Variants in C8A observed in about 807,000 individuals in gnomAD.
C8A encodes complement C8 alpha chain.
C8A carries 67 observed loss-of-function variants against 65.3 expected under a neutral mutation model. That is an observed-to-expected ratio of 1.03 (90% CI 0.84 to 1.26). The LOEUF (loss-of-function observed/expected upper bound fraction) is 1.26, where lower values mean the gene tolerates loss of function less well. Ranked by LOEUF, C8A falls within the 50% of genes most tolerant of loss-of-function variation. The probability of loss-of-function intolerance (pLI) is 0.00; values close to 1 mark genes in which losing one functional copy is unlikely to be tolerated. For missense variants in C8A, 781 were observed against 723.9 expected (o/e 1.08, Z -0.90); for synonymous variants, 290 against 259.4 (o/e 1.12, Z -1.13).
At chr1:56,916,669 G>A (rs1448219245) in intron 10 of C8A, among the ~76,000 whole-genome samples, 2 of 152,172 alleles carry the variant, frequency 1.3e-5, no homozygotes, top group Admixed American at 6.5e-5. Context: ...ACTTTCATCT[G>A]ACTTAGAGGT....
intron 7 of C8A, among the ~76,000 whole-genome samples, chr1:56,899,670 C>G (rs1348657416): frequency 6.6e-6 from 1 of 152,288 alleles, no homozygotes; most frequent in East Asian, 1.9e-4. Flanking sequence ...CAGCCTCCCT[C>G]TTTTTCTAAC....
intron 7 of C8A, among the ~76,000 whole-genome samples, chr1:56,898,721 A>G (rs1644403605): frequency 6.6e-6 from 1 of 152,096 alleles, no homozygotes; most frequent in Non-Finnish European, 1.5e-5. Context: ...TTAATGTTGC[A>G]TCCCAGAGTC....
chr1:56,898,719 G>C (rs1379958386), intron 7 of C8A, among the ~76,000 whole-genome samples: 1 of 152,058 alleles, frequency 6.6e-6, no homozygotes, highest in Admixed American at 6.6e-5. Flanking sequence ...TGTTAATGTT[G>C]CATCCCAGAG....
At chr1:56,876,468 T>C (rs913290323) in intron 4 of C8A, among the ~76,000 whole-genome samples, 1 of 151,810 alleles carries the variant, frequency 6.6e-6, no homozygotes, top group Non-Finnish European at 1.5e-5. Flanking sequence ...TTCACCCCAG[T>C]GCCATTTCTA....
At position 56,917,686 on chromosome 1, in the gene C8A, AG is replaced by A. The variant is rs1644564612; in HGVS notation, c.1728del (p.Arg577GlyfsTer36). 1 of 1,614,100 alleles carries A rather than the reference AG, an allele frequency of 6.2e-7. No individual in the cohort carries two copies. Among genetic ancestry groups the A allele is most frequent in the South Asian group, 1.1e-5 (1 of 91,086 alleles). ...APQNGGASCP[G>X]RKVQTQAC is the part of the protein sequence containing the mutation. ...CTCAGAATGGAGGGGCCTCGTGTCC[AG>A]GGCGGAAAGTACAGACGCAGGCTTG... is the stretch of plus-strand genomic sequence containing the variant. On this transcript the variant is annotated frameshift_variant, in exon 11 of 11. Coordinates refer to ENST00000361249, the MANE Select transcript of C8A (RefSeq NM_000562.3). LOFTEE classifies it high-confidence loss of function.
rs115878955 is a variant in C8A, at chr1:56,876,505, C to T, written c.464+296C>T. 8.8e-3 allele frequency among the ~76,000 whole-genome samples: 1,339 copies of T among 152,034 alleles called. 11 individuals are homozygous for T. Among genetic ancestry groups the T allele is most frequent in the Non-Finnish European group, 0.014 (966 of 67,980 alleles). ...GGCCCATTTAAGAAGCCACAGCTTCCATGAAGCCTTCCTGATGTCTCAGAA... is the reference window on the plus strand; with the variant it reads ...GGCCCATTTAAGAAGCCACAGCTTCTATGAAGCCTTCCTGATGTCTCAGAA... On this transcript the variant is annotated intron_variant, in intron 4 of 10. Coordinates refer to ENST00000361249, the MANE Select transcript of C8A (RefSeq NM_000562.3).
intron 2 of C8A, among the ~76,000 whole-genome samples, chr1:56,868,445 C>T (rs544721121): frequency 1.3e-5 from 2 of 151,696 alleles, no homozygotes; most frequent in South Asian, 4.2e-4. Flanking sequence ...TTAGTCTCTA[C>T]AAAAAATACA....
chr1:56,893,280 A>G (rs1368381662), intron 7 of C8A, among the ~76,000 whole-genome samples: 1 of 152,170 alleles, frequency 6.6e-6, no homozygotes, highest in Non-Finnish European at 1.5e-5. Context: ...AGCAGCACTT[A>G]CTATTATGGA....
rs956794405 is a variant in C8A, at chr1:56,861,031, T to C, written c.77+6053T>C. ...CTGTGTAGTTTATAAAGGAAAGGAGTCTATTTGGCTCATGGTTGTGCAAGT... is the reference window on the plus strand; with the variant it reads ...CTGTGTAGTTTATAAAGGAAAGGAGCCTATTTGGCTCATGGTTGTGCAAGT... On this transcript the variant is annotated intron_variant, in intron 1 of 10. Transcript: ENST00000361249. Among the ~76,000 whole-genome samples, 2 of 152,092 alleles carry C rather than the reference T, an allele frequency of 1.3e-5. 1 individual carries two copies. Among genetic ancestry groups the C allele is most frequent in the Non-Finnish European group, 2.9e-5 (2 of 68,010 alleles).
At position 56,906,592 on chromosome 1, in the gene C8A, C is replaced by T. The variant is rs779936525; in HGVS notation, c.1097-75C>T. ...CCAAAGCTGAAGCTAGCTTTTACTA[C>T]TCTGACATAGTTGTACCATGTCAAG... is the stretch of plus-strand genomic sequence containing the variant. On this transcript the variant is annotated intron_variant, in intron 7 of 10. Coordinates refer to ENST00000361249, the MANE Select transcript of C8A (RefSeq NM_000562.3). The T allele has an allele frequency of 3.2e-6, 5 of 1,564,588 alleles. No homozygotes were observed. The African/African-American group carries it at 4.1e-5, about 13-fold the overall frequency.
chr1:56,889,520 C>G (rs1423342649), intron 7 of C8A, among the ~76,000 whole-genome samples: 1 of 152,006 alleles, frequency 6.6e-6, no homozygotes, highest in Non-Finnish European at 1.5e-5. Context: ...AGGTACCTTT[C>G]TCTCTCTCTC....
At chr1:56,906,973 G>A (rs1415870449) in intron 8 of C8A, among the ~76,000 whole-genome samples, 181 bp downstream of exon 8, 1 of 152,092 alleles carries the variant, frequency 6.6e-6, no homozygotes, top group Admixed American at 6.6e-5. Flanking sequence ...TCTACCATGG[G>A]CTTAAAATCA....
At chr1:56,900,690 C>G (rs963562726) in intron 7 of C8A, among the ~76,000 whole-genome samples, 3 of 152,128 alleles carry the variant, frequency 2.0e-5, no homozygotes, top group Non-Finnish European at 4.4e-5. Context: ...TTTGCATCTT[C>G]AATTAAAGAA....
chr1:56,917,519 T>A (rs1431592608), intron 10 of C8A, 46 bp from the exon 11 acceptor site: 18 of 1,609,976 alleles, frequency 1.1e-5, no homozygotes, highest in Non-Finnish European at 1.5e-5. Context: ...CCCTTCCTTC[T>A]TAGCCATATG....
intron 6 of C8A, 83 bp downstream of exon 6, chr1:56,883,764 A>G (rs1644268050): frequency 1.4e-5 from 17 of 1,196,114 alleles, no homozygotes; most frequent in Admixed American, 1.9e-5. Context: ...TAAAAAGTAC[A>G]GTAGTAATTG....
At position 56,877,093 on chromosome 1, in the gene C8A, A is replaced by C. The variant is rs148061329; in HGVS notation, c.464+884A>C. Among the ~76,000 whole-genome samples, 895 of 152,312 alleles carry C rather than the reference A, an allele frequency of 5.9e-3. 8 individuals carry two copies. The highest frequency in any genetic ancestry group is 0.02 in the African/African-American group (828 of 41,564). On this transcript the variant is annotated intron_variant, in intron 4 of 10. Transcript: ENST00000361249. ...GCGATCTCTCTCTTTCCACACATGC[A>C]TAGCCAATGAGACATGTGAGGACAC...
In C8A at chr1:56,881,595, C is replaced by A; in HGVS notation, c.615C>A (p.Tyr205Ter). The change falls in exon 5 of 11, where the codon TAC (tyrosine) becomes TAA (stop). Residue 205 changes from tyrosine (Y) to a stop codon, truncating the protein, a stop_gained. Coordinates refer to ENST00000361249, the MANE Select transcript of C8A (RefSeq NM_000562.3). LOFTEE classifies it high-confidence loss of function. ...ERLYYGDDEK[Y>*]FRKPYNFLKY... ...TCTACTATGGAGATGATGAGAAATACTTTCGGAAACCCTACAACTTTCTGA... is the reference window on the plus strand; with the variant it reads ...TCTACTATGGAGATGATGAGAAATAATTTCGGAAACCCTACAACTTTCTGA... 6.2e-7 allele frequency: 1 copy of A among 1,613,684 alleles called. No homozygotes were observed. The highest frequency in any genetic ancestry group is 8.5e-7 in the Non-Finnish European group (1 of 1,179,762).
At chr1:56,891,916 G>T (rs879346192) in intron 7 of C8A, among the ~76,000 whole-genome samples, 7 of 152,098 alleles carry the variant, frequency 4.6e-5, no homozygotes, top group Non-Finnish European at 8.8e-5. Flanking sequence ...TGTCTCTTCT[G>T]CAGACTATGA....
intron 6 of C8A, among the ~76,000 whole-genome samples, chr1:56,884,453 A>G (rs955329002): frequency 2.0e-5 from 3 of 152,188 alleles, no homozygotes; most frequent in African/African-American, 4.8e-5. Flanking sequence ...TACCAAGACT[A>G]TGGATCAAGG....
Sources: allele counts gnomAD v4.1 joint callset (sites outside exome capture counted in the v4.1 genomes callset), GRCh38; gene constraint gnomAD v4.1.1; transcripts MANE v1.5; gene names NCBI Gene and HGNC (gene_info 2026-07-23, HGNC 2026-07-21).